Variants in TANC2 observed in about 807,000 individuals in gnomAD.
TANC2 encodes tetratricopeptide repeat, ankyrin repeat and coiled-coil containing 2, also known as protein TANC2.
In TANC2, 26 loss-of-function variants were observed where a neutral mutation model predicts 210.5. That is an observed-to-expected ratio of 0.12 (90% CI 0.09 to 0.17). The LOEUF is 0.17. Among genes scored for constraint, TANC2 ranks in the 10% least tolerant of loss-of-function variants. The pLI, the probability that TANC2 is intolerant of heterozygous loss-of-function variation, is 1.00. For missense variants in TANC2, 2,129 were observed against 2,608.9 expected (o/e 0.82, Z 4.01); for synonymous variants, 931 against 967.1 (o/e 0.96, Z 0.69).
intron 5 of TANC2, among the ~76,000 whole-genome samples, chr17:63,169,171 C>A (rs2040314382): frequency 6.6e-6 from 1 of 152,176 alleles, no homozygotes; most frequent in Admixed American, 6.5e-5. Context: ...AGACACTAAC[C>A]CTTTTACACC....
intron 9 of TANC2, among the ~76,000 whole-genome samples, chr17:63,306,446 A>C (rs1006766716): frequency 6.6e-6 from 1 of 152,190 alleles, no homozygotes; most frequent in Admixed American, 6.5e-5. Context: ...TCATTCAACA[A>C]ATATTTACTG....
At chr17:63,310,542 A>G (rs1356384805) in intron 9 of TANC2, among the ~76,000 whole-genome samples, 2 of 152,236 alleles carry the variant, frequency 1.3e-5, no homozygotes, top group Non-Finnish European at 2.9e-5. Context: ...TATGAAAGGC[A>G]AAAGATTAAT....
rs114618354 is a variant in TANC2, at chr17:63,166,932, G to A, written c.433+15552G>A. On this transcript the variant is annotated intron_variant, in intron 5 of 27. Transcript: ENST00000689528. The stretch of plus-strand genomic sequence containing the variant: ...GTCTGCAGTTCAGTTAAGGGGATAG[G>A]AATAAGAAAGAGAAAAAAAGGAGAC... Among the ~76,000 whole-genome samples the A allele has an allele frequency of 5.6e-3, 851 of 152,164 alleles. 11 individuals carry two copies. Among genetic ancestry groups the A allele is most frequent in the African/African-American group, 0.02 (818 of 41,512 alleles).
intron 9 of TANC2, chr17:63,313,271 A>G (rs1203138225): frequency 2.0e-5 from 3 of 152,106 alleles, no homozygotes; most frequent in Admixed American, 6.5e-5. Context: ...AGTATATATC[A>G]AGGCACTGTG....
In TANC2 at chr17:63,199,159, T is replaced by C. The variant is rs966200089; in HGVS notation, c.583-1612T>C. Among the ~76,000 whole-genome samples the C allele has an allele frequency of 2.0e-5, 3 of 152,194 alleles. No individual in the cohort carries two copies. In the South Asian group the frequency reaches 6.2e-4, roughly 31 times the overall value. The stretch of plus-strand genomic sequence containing the variant: ...AGAGCCTTAATATTCTCATAGCTAG[T>C]TATCAACACATTCTCCAGTTATTAA... On this transcript the variant is annotated intron_variant, in intron 6 of 27. Coordinates refer to ENST00000689528, the Ensembl canonical transcript of TANC2.
At chr17:63,037,198 C>G (rs186098832) in intron 2 of TANC2, among the ~76,000 whole-genome samples, 1 of 152,038 alleles carries the variant, frequency 6.6e-6, no homozygotes, top group Non-Finnish European at 1.5e-5. Context: ...CATATCCAAA[C>G]GACTAACGGG....
chr17:63,132,067 G>A (rs1290030937), intron 4 of TANC2, among the ~76,000 whole-genome samples: 2 of 152,086 alleles, frequency 1.3e-5, no homozygotes, highest in African/African-American at 4.8e-5. Flanking sequence ...AACATTTGTT[G>A]TTCCAGGCTT....
At chr17:63,283,179 G>A (rs887026067) in intron 9 of TANC2, among the ~76,000 whole-genome samples, 12 of 151,808 alleles carry the variant, frequency 7.9e-5, no homozygotes, top group Non-Finnish European at 1.2e-4. Flanking sequence ...CTTTTTGGAG[G>A]GGAAGATACG....
rs757412255 is a variant in TANC2 at position 63,421,695 on chromosome 17, A to G, written c.5965A>G (p.Lys1989Glu). 6.2e-7 allele frequency: 1 copy of G among 1,614,050 alleles called. No individual in the cohort carries two copies. The highest frequency in any genetic ancestry group is 1.7e-5 in the Admixed American group (1 of 60,032). ...CATCAGCAACATTGCCTTTTATAAC[A>G]AAACCAACAATGCACAGAATGGCCA... Residue 1989 changes from lysine to glutamate, a missense_variant, in exon 28 of 28, where the codon AAA (lysine) becomes GAA (glutamate). Transcript: ENST00000689528. The surrounding 1 kb of genome is among the most constrained non-coding windows in gnomAD (Gnocchi z 6.9).
chr17:63,403,029 A>G (rs549294835), intron 19 of TANC2, among the ~76,000 whole-genome samples: 2 of 152,368 alleles, frequency 1.3e-5, no homozygotes, highest in African/African-American at 4.8e-5. Flanking sequence ...TAAACAACAG[A>G]GATGATACAA....
chr17:63,177,279 A>AC (rs1356789589), intron 5 of TANC2, among the ~76,000 whole-genome samples: 1 of 151,532 alleles, frequency 6.6e-6, no homozygotes, highest in Non-Finnish European at 1.5e-5. Context: ...AAAAAAAAAA[A>AC]AAAACACAAA....
intron 14 of TANC2, among the ~76,000 whole-genome samples, chr17:63,367,956 A>G (rs558942800): frequency 1.3e-5 from 2 of 152,358 alleles, no homozygotes; most frequent in East Asian, 1.9e-4. Flanking sequence ...CAAGTGATGT[A>G]TGGAAGATGA....
chr17:63,116,375 GCTATCCTA>G, intron 4 of TANC2, among the ~76,000 whole-genome samples: 1 of 152,210 alleles, frequency 6.6e-6, no homozygotes, highest in Non-Finnish European at 1.5e-5. Context: ...CCGTTTGGAA[GCTATCCTA>G]CTATCCCCTG....
At chr17:63,028,059 G>A (rs2034627347) in intron 2 of TANC2, among the ~76,000 whole-genome samples, 1 of 151,958 alleles carries the variant, frequency 6.6e-6, no homozygotes, top group African/African-American at 2.4e-5. Flanking sequence ...TAAAAATCTT[G>A]CCATCAGAAG....
intron 7 of TANC2, among the ~76,000 whole-genome samples, chr17:63,204,081 C>T (rs1023967507): frequency 2.7e-5 from 4 of 145,538 alleles, no homozygotes; most frequent in Non-Finnish European, 4.6e-5. Context: ...AAATGCACAT[C>T]GGTGTGTGGA....
At chr17:63,166,988 A>C (rs1247146848) in intron 5 of TANC2, among the ~76,000 whole-genome samples, 1 of 152,106 alleles carries the variant, frequency 6.6e-6, no homozygotes, top group African/African-American at 2.4e-5. Context: ...AGAATACAAG[A>C]AGGAAGGAAG....
intron 8 of TANC2, among the ~76,000 whole-genome samples, chr17:63,263,200 T>C (rs2043422194): frequency 6.6e-6 from 1 of 152,178 alleles, no homozygotes; most frequent in South Asian, 2.1e-4. Context: ...TAAAACTCTA[T>C]ATATTAATAG....
At chr17:63,314,881 C>A (rs1199999060) in intron 10 of TANC2, among the ~76,000 whole-genome samples, 1 of 152,114 alleles carries the variant, frequency 6.6e-6, no homozygotes, top group Admixed American at 6.5e-5. Flanking sequence ...TGAAGAAAAA[C>A]CTTTCTCGTG....
intron 4 of TANC2, among the ~76,000 whole-genome samples, chr17:63,136,425 G>A (rs1396628501): frequency 6.6e-6 from 1 of 152,056 alleles, no homozygotes; most frequent in African/African-American, 2.4e-5. Flanking sequence ...GTTTTCTTAG[G>A]CCTTAAGTTC....
Sources: allele counts gnomAD v4.1 joint callset (sites outside exome capture counted in the v4.1 genomes callset), GRCh38; gene constraint gnomAD v4.1.1; non-coding constraint Gnocchi (gnomAD v3.1); transcripts MANE v1.5; gene names NCBI Gene and HGNC (gene_info 2026-07-23, HGNC 2026-07-21).